BRD4: variants seen among roughly 807,000 people sequenced by gnomAD.
BRD4 encodes the protein bromodomain-containing protein 4.
Under a neutral mutation model 142.1 loss-of-function variants are expected in BRD4, and 16 were observed. That is an observed-to-expected ratio of 0.11 (90% CI 0.08 to 0.17). BRD4 has a LOEUF of 0.17. BRD4 is among the 10% of genes least tolerant of loss of function. The pLI is 1.00. For missense variants in BRD4, 1,424 were observed against 1,810.9 expected (o/e 0.79, Z 3.88); for synonymous variants, 833 against 707.5 (o/e 1.18, Z -2.82).
At position 15,260,629 on chromosome 19, in the gene BRD4, A is replaced by T. The variant is rs567741570; in HGVS notation, c.1341+2791T>A. Among the ~76,000 whole-genome samples, 11 of 152,178 alleles carry T rather than the reference A, an allele frequency of 7.2e-5. No individual in the cohort carries two copies. In the East Asian group the frequency reaches 2.1e-3, roughly 29 times the overall value. ...ACAGCACCCCCCACCCCTTGCCTGC[A>T]CTAGGCCCCCTTGAGATTGAGGCCT... On this transcript the variant is annotated intron_variant, in intron 7 of 19. Transcript: ENST00000679869.
In BRD4 at chr19:15,239,627, G is replaced by A. The variant is rs556458475; in HGVS notation, c.3445+32C>T. 1.2e-5 allele frequency: 18 copies of A among 1,560,996 alleles called. No individual in the cohort carries two copies. The highest frequency in any genetic ancestry group is 1.5e-5 in the Non-Finnish European group (17 of 1,162,580). On this transcript the variant is annotated intron_variant, in intron 16 of 19. Transcript: ENST00000679869. This position sits in a 1 kb window ranked among gnomAD's most constrained non-coding sequence, Gnocchi z 7.4. ...GTCCAACACGGGCCTCGGGGGGCCT[G>A]AGCCCTGGCTGTGGGCAGGGAGAGC...
At chr19:15,303,831 G>A (rs1221645171) in intron 1 of BRD4, among the ~76,000 whole-genome samples, 1 of 152,128 alleles carries the variant, frequency 6.6e-6, no homozygotes, top group Non-Finnish European at 1.5e-5. Context: ...AGTTTTTTAA[G>A]TATCAACATT....
chr19:15,256,366 G>C, intron 8 of BRD4, 103 bp from the exon 9 acceptor site: 2 of 1,414,568 alleles, frequency 1.4e-6, no homozygotes, highest in South Asian at 2.7e-5. Context: ...GCATGCACCT[G>C]GGGCATCAGG....
At chr19:15,287,380 A>G (rs564251450) in intron 1 of BRD4, among the ~76,000 whole-genome samples, 1 of 152,302 alleles carries the variant, frequency 6.6e-6, no homozygotes, top group East Asian at 1.9e-4. Flanking sequence ...CTACTATGCA[A>G]TCACTATCTA....
chr19:15,240,027 G>A lies in BRD4; in HGVS notation c.3170-5C>T, dbSNP rs750742416. 1 of 1,607,466 alleles carries A rather than the reference G, an allele frequency of 6.2e-7. No individual in the cohort carries two copies. The highest frequency in any genetic ancestry group is 1.7e-5 in the Admixed American group (1 of 59,656). On this transcript the variant is annotated splice_polypyrimidine_tract_variant and splice_region_variant and intron_variant, in intron 14 of 19. Transcript: ENST00000679869. ...AGGGGGCTTCGCGGAGGTGACCTAG[G>A]AGAAGGGACAAGGAATGTGTCAAGG...
At chr19:15,310,447 G>A (rs557102910) in intron 1 of BRD4, among the ~76,000 whole-genome samples, 1 of 133,458 alleles carries the variant, frequency 7.5e-6, no homozygotes, top group East Asian at 2.4e-4. Context: ...TGCAAGCTCC[G>A]CCTCCCGGGT....
chr19:15,274,509 A>T lies in BRD4; in HGVS notation c.-34-1376T>A, dbSNP rs2047624738. On this transcript the variant is annotated intron_variant, in intron 1 of 19. Coordinates refer to ENST00000679869, the MANE Select transcript of BRD4 (RefSeq NM_001379291.1). ...TCCTAGAAAGCAGCTCCAGAAACATATAGCTGATGCTGCGCACCAAGCACA... is the reference window on the plus strand; with the variant it reads ...TCCTAGAAAGCAGCTCCAGAAACATTTAGCTGATGCTGCGCACCAAGCACA... Among the ~76,000 whole-genome samples, 5 of 152,246 alleles carry T rather than the reference A, an allele frequency of 3.3e-5. No individual in the cohort carries two copies. In the South Asian group the frequency reaches 1.0e-3, roughly 32 times the overall value.
chr19:15,309,754 C>T lies in BRD4; in HGVS notation c.-35+22536G>A, dbSNP rs80326341. ...AGGGGAGGGGAATCAAAGATGTTTC[C>T]TTCTCAAGGAGCAAACCGGGTAGTG... On this transcript the variant is annotated intron_variant, in intron 1 of 19. Coordinates refer to ENST00000679869, the MANE Select transcript of BRD4 (RefSeq NM_001379291.1). Among the ~76,000 whole-genome samples the T allele has an allele frequency of 5.7e-3, 862 of 152,252 alleles. 9 individuals carry two copies. Among genetic ancestry groups the T allele is most frequent in the African/African-American group, 0.02 (820 of 41,548 alleles).
At position 15,279,770 on chromosome 19, in the gene BRD4, C is replaced by T. The variant is rs572381954; in HGVS notation, c.-34-6637G>A. Among the ~76,000 whole-genome samples, 31 of 152,316 alleles carry T rather than the reference C, an allele frequency of 2.0e-4. 1 individual carries two copies. In the South Asian group the frequency reaches 5.8e-3, roughly 28 times the overall value. ...CGTCCATCACAAGTCACTGAGAAAA[C>T]CAATGGGTTGGGACCAGCTATACTT... On this transcript the variant is annotated intron_variant, in intron 1 of 19. Coordinates refer to ENST00000679869, the MANE Select transcript of BRD4 (RefSeq NM_001379291.1).
intron 1 of BRD4, among the ~76,000 whole-genome samples, chr19:15,325,466 G>A (rs72994028): frequency 6.6e-6 from 1 of 152,148 alleles, no homozygotes; most frequent in Admixed American, 6.6e-5. Flanking sequence ...CTCTGGGCAG[G>A]AGAGGGTAGA....
intron 10 of BRD4, among the ~76,000 whole-genome samples, chr19:15,254,993 GC>G (rs1355041992): frequency 6.6e-6 from 1 of 152,154 alleles, no homozygotes; most frequent in Non-Finnish European, 1.5e-5. Flanking sequence ...CCCCAAAGAG[GC>G]CGGAGGAAGA....
At chr19:15,311,288 T>C (rs2047968120) in intron 1 of BRD4, among the ~76,000 whole-genome samples, 1 of 148,368 alleles carries the variant, frequency 6.7e-6, no homozygotes, top group South Asian at 2.2e-4. Context: ...CGAAACTCTG[T>C]CTCAAAAAAA....
intron 10 of BRD4, 108 bp downstream of exon 10, chr19:15,255,189 G>GAA (rs78211779): frequency 4.0e-5 from 38 of 961,072 alleles, no homozygotes; most frequent in African/African-American, 9.2e-5. Flanking sequence ...ATTATAATTG[G>GAA]AAAAAAAAAA....
At chr19:15,326,554 G>A (rs918726628) in intron 1 of BRD4, among the ~76,000 whole-genome samples, 6 of 152,108 alleles carry the variant, frequency 3.9e-5, no homozygotes, top group Non-Finnish European at 7.4e-5. Flanking sequence ...CTCAGACAAA[G>A]ACAAATAACT....
chr19:15,315,292 A>G (rs1384052951), intron 1 of BRD4, among the ~76,000 whole-genome samples: 2 of 152,094 alleles, frequency 1.3e-5, no homozygotes, highest in African/African-American at 4.8e-5. Context: ...CCTTTCTAGC[A>G]CAGGGGTATT....
chr19:15,243,124 GGC>G lies in BRD4; in HGVS notation c.2943_2944del (p.Gln981HisfsTer111). Reference sequence around the variant, plus strand: ...ATGCTGCTGCTGGGGTGGAGGCTGGGGCTGGGGTGGTGGGGGTGGTGGCGGCT... The same window carrying G: ...ATGCTGCTGCTGGGGTGGAGGCTGGGTGGGGTGGTGGGGGTGGTGGCGGCT... On this transcript the variant is annotated frameshift_variant, in exon 14 of 20. Coordinates refer to ENST00000679869, the MANE Select transcript of BRD4 (RefSeq NM_001379291.1). LOFTEE classifies it high-confidence loss of function. The G allele has an allele frequency of 7.1e-7, 1 of 1,407,328 alleles. No homozygotes were observed. The highest frequency in any genetic ancestry group is 9.4e-7 in the Non-Finnish European group (1 of 1,062,226). The allele number at this position is 1,407,328 out of a possible 1,614,324, so 87.2% of individuals were successfully genotyped here.
intron 1 of BRD4, among the ~76,000 whole-genome samples, chr19:15,285,165 G>T (rs1259419895): frequency 6.6e-6 from 1 of 152,146 alleles, no homozygotes; most frequent in Admixed American, 6.5e-5. Context: ...CTGCAGATGT[G>T]GCCAGCTTGT....
intron 1 of BRD4, among the ~76,000 whole-genome samples, chr19:15,301,379 G>A (rs949041736): frequency 1.3e-5 from 2 of 151,322 alleles, no homozygotes; most frequent in African/African-American, 2.4e-5. Flanking sequence ...TGACCAACAT[G>A]GTGAAACCCC....
chr19:15,254,408 T>C, intron 10 of BRD4, 146 bp from the exon 11 acceptor site: 1 of 669,216 alleles, frequency 1.5e-6, no homozygotes, highest in Non-Finnish European at 2.6e-6. Context: ...AACTGCCAGC[T>C]GCCACTCCCA....
Sources: gnomAD v4.1 joint callset for allele counts (sites outside exome capture counted in the v4.1 genomes callset) on GRCh38, gnomAD v4.1.1 for gene constraint, Gnocchi (gnomAD v3.1) non-coding constraint, MANE v1.5 for transcripts, NCBI Gene and HGNC (gene_info 2026-07-23, HGNC 2026-07-21) for gene names.